Variants in NAGS observed in about 807,000 individuals in gnomAD.
NAGS encodes N-acetylglutamate synthase, mitochondrial.
In NAGS, 34 loss-of-function variants were observed where a neutral mutation model predicts 46.9. That is an observed-to-expected ratio of 0.72 (90% confidence interval 0.55 to 0.97). The LOEUF (loss-of-function observed/expected upper bound fraction) is 0.97. NAGS is among the 50% of genes least tolerant of loss of function. The pLI, the probability that NAGS is intolerant of heterozygous loss-of-function variation, is 0.00. For synonymous variants in NAGS, 334 were observed against 346.3 expected (o/e 0.96, Z 0.39); for missense variants, 665 against 747.0 (o/e 0.89, Z 1.28).
chr17:44,006,148 G>C lies in NAGS; in HGVS notation c.826G>C (p.Glu276Gln). 1 of 1,613,280 alleles carries C rather than the reference G, an allele frequency of 6.2e-7. No individual in the cohort carries two copies. The highest frequency in any genetic ancestry group is 1.1e-5 in the South Asian group (1 of 91,084). The change falls in exon 3 of 7, where the codon GAG becomes CAG. Residue 276 changes from glutamate to glutamine, a missense_variant. Physicochemically the swap from Glu to Gln is conservative, Grantham distance 29. Coordinates refer to ENST00000293404, the MANE Select transcript of NAGS (RefSeq NM_153006.3). This position sits in a 1 kb window ranked among gnomAD's most constrained non-coding sequence, Gnocchi z 4.8. ...ARRSVLLDSLEVTASLAKALR... is the reference protein window; with the variant it reads ...ARRSVLLDSLQVTASLAKALR... ...CCGCTCCGTGCTTCTCGACTCCCTG[G>C]AGGTGACCGCGTCGCTGGCCAAGGC...
Position 44,005,994 on chromosome 17 carries a change from G to C in NAGS, c.702-30G>C. 1 of 1,573,484 alleles carries C rather than the reference G, an allele frequency of 6.4e-7. No individual in the cohort carries two copies. The highest frequency in any genetic ancestry group is 1.4e-5 in the African/African-American group (1 of 73,990). On this transcript the variant is annotated intron_variant, in intron 2 of 6. Transcript: ENST00000293404. The surrounding 1 kb of genome is among the most constrained non-coding windows in gnomAD (Gnocchi z 7.2). ...GCCCCGTCCGGCAGGCCTGGAGGGG[G>C]CCCTCTCGAGCACCACGTCTGGCCC...
In NAGS at chr17:44,007,425, G is replaced by T; in HGVS notation, c.1199G>T (p.Gly400Val). The change falls in exon 5 of 7, where the codon GGC becomes GTC. Residue 400 changes from glycine (G) to valine (V), a missense_variant. Physicochemically the swap from Gly to Val is moderately radical, Grantham distance 109 (BLOSUM62 -3). Coordinates refer to ENST00000293404, the MANE Select transcript of NAGS (RefSeq NM_153006.3). This position sits in a 1 kb window ranked among gnomAD's most constrained non-coding sequence, Gnocchi z 5.1. Reference protein sequence around the residue: ...RLVDLVNASFGKKLRDDYLAS... With the variant: ...RLVDLVNASFVKKLRDDYLAS... ...GTGGACCTGGTCAACGCCAGCTTCG[G>T]CAAGAAGCTCAGGGACGACTACCTG... is the stretch of plus-strand genomic sequence containing the variant. The T allele has an allele frequency of 6.2e-7, 1 of 1,613,916 alleles. No individual in the cohort carries two copies. Among genetic ancestry groups the T allele is most frequent in the Non-Finnish European group, 8.5e-7 (1 of 1,180,002 alleles).
In NAGS at chr17:44,008,759, C is replaced by T. The variant is rs556309098; in HGVS notation, c.*158C>T. The T allele has an allele frequency of 9.7e-5, 93 of 960,714 alleles. 1 individual carries two copies. The African/African-American group carries it at 1.4e-3, about 14-fold the overall frequency. 59.5% of individuals were successfully genotyped at this position (960,714 alleles called of 1,614,324 possible). On this transcript the variant is annotated 3_prime_UTR_variant, in exon 7 of 7. Transcript: ENST00000293404. ...CAGCCCCAGCTCTGCCCAGAGGAGGCGCTGAAGTGGGACAAGCACAGGAAA... is the reference window on the plus strand; with the variant it reads ...CAGCCCCAGCTCTGCCCAGAGGAGGTGCTGAAGTGGGACAAGCACAGGAAA...
Position 44,005,147 on chromosome 17 carries a change from C to T in NAGS, c.426+58C>T. 2.0e-6 allele frequency: 3 copies of T among 1,522,238 alleles called. No homozygotes were observed. Among genetic ancestry groups the T allele is most frequent in the South Asian group, 2.4e-5 (2 of 82,886 alleles). The allele number at this position is 1,522,238 out of a possible 1,614,324, so 94.3% of individuals were successfully genotyped here. A position where few individuals can be genotyped will look rare whatever the true frequency, so the allele number is the denominator to read the frequency against. On this transcript the variant is annotated intron_variant, in intron 1 of 6. Coordinates refer to ENST00000293404, the MANE Select transcript of NAGS (RefSeq NM_153006.3). The surrounding 1 kb of genome is among the most constrained non-coding windows in gnomAD (Gnocchi z 7.2). ...CGAGGGGATGGGGTTGTGCGGCCAC[C>T]TGTCCTCAGGCATGGCAGGATACGC...
chr17:44,006,888 G>A lies in NAGS; in HGVS notation c.1096+179G>A, dbSNP rs1485911921. ...ACCCGGGGGAGGTGAGAGAGGAGGA[G>A]ACCCAGTGTACTGGAAGGGAACTCC... On this transcript the variant is annotated intron_variant, in intron 4 of 6. Transcript: ENST00000293404. This position sits in a 1 kb window ranked among gnomAD's most constrained non-coding sequence, Gnocchi z 4.8. 1.8e-6 allele frequency: 1 copy of A among 570,560 alleles called. No individual in the cohort carries two copies. Among genetic ancestry groups the A allele is most frequent in the Non-Finnish European group, 3.0e-6 (1 of 336,992 alleles). 35.3% of individuals were successfully genotyped at this position (570,560 alleles called of 1,614,324 possible). A position where few individuals can be genotyped will look rare whatever the true frequency, so the allele number is the denominator to read the frequency against.
In NAGS at chr17:44,007,921, T is replaced by C. The variant is rs2049117505; in HGVS notation, c.1451+148T>C. ...CCAGGGGCAGAACACACAGAAAGCC[T>C]GAGATTTCCCGAGTTAAAGCATGCT... On this transcript the variant is annotated intron_variant, in intron 6 of 6. Coordinates refer to ENST00000293404, the MANE Select transcript of NAGS (RefSeq NM_153006.3). This position sits in a 1 kb window ranked among gnomAD's most constrained non-coding sequence, Gnocchi z 5.1. 1 of 871,906 alleles carries C rather than the reference T, an allele frequency of 1.1e-6. No individual in the cohort carries two copies. Among genetic ancestry groups the C allele is most frequent in the Non-Finnish European group, 1.8e-6 (1 of 549,150 alleles). The allele number at this position is 871,906 out of a possible 1,614,324, so 54.0% of individuals were successfully genotyped here.
chr17:44,009,015 G>C lies in NAGS; in HGVS notation c.*414G>C, dbSNP rs2049128721. 2.3e-5 allele frequency: 5 copies of C among 219,720 alleles called. No homozygotes were observed. The highest frequency in any genetic ancestry group is 5.1e-5 in the Admixed American group (1 of 19,714). The allele number at this position is 219,720 out of a possible 1,614,324, so 13.6% of individuals were successfully genotyped here. The stretch of plus-strand genomic sequence containing the variant: ...TTCTACCATTCATTTTAATTCCTTT[G>C]GGTCTTGCAGTTTTTCAGGAGGCCT... On this transcript the variant is annotated 3_prime_UTR_variant, in exon 7 of 7. Coordinates refer to ENST00000293404, the MANE Select transcript of NAGS (RefSeq NM_153006.3). This position sits in a 1 kb window ranked among gnomAD's most constrained non-coding sequence, Gnocchi z 4.0.
In NAGS at chr17:44,006,428, GAAGT is replaced by G; in HGVS notation, c.916-97_916-94del. The G allele has an allele frequency of 6.6e-7, 1 of 1,512,844 alleles. No homozygotes were observed. Among genetic ancestry groups the G allele is most frequent in the Admixed American group, 2.0e-5 (1 of 50,636 alleles). 93.7% of individuals were successfully genotyped at this position (1,512,844 alleles called of 1,614,324 possible). On this transcript the variant is annotated intron_variant, in intron 3 of 6. Coordinates refer to ENST00000293404, the MANE Select transcript of NAGS (RefSeq NM_153006.3). This position sits in a 1 kb window ranked among gnomAD's most constrained non-coding sequence, Gnocchi z 4.8. The stretch of plus-strand genomic sequence containing the variant: ...CCTCCCTGGCTAAGGACTCCGGGCG[GAAGT>G]AAGGATAAAGGGGTCAGAGAAAAGA...
intron 6 of NAGS, 130 bp from the exon 7 acceptor site, chr17:44,008,318 C>G: frequency 9.3e-7 from 1 of 1,076,096 alleles, no homozygotes; most frequent in South Asian, 1.3e-5. Flanking sequence ...AGATAACACA[C>G]AGCAGGACCA....
In NAGS at chr17:44,007,143, G is replaced by C. The variant is rs1428754209; in HGVS notation, c.1097-180G>C. ...GAACTTGGGGCACAATCTCTGCCTGGGGAAAGCATCTCCTTGAATGAAAAT... is the reference window on the plus strand; with the variant it reads ...GAACTTGGGGCACAATCTCTGCCTGCGGAAAGCATCTCCTTGAATGAAAAT... On this transcript the variant is annotated intron_variant, in intron 4 of 6. Coordinates refer to ENST00000293404, the MANE Select transcript of NAGS (RefSeq NM_153006.3). This position sits in a 1 kb window ranked among gnomAD's most constrained non-coding sequence, Gnocchi z 5.1. The C allele has an allele frequency of 1.5e-6, 1 of 648,992 alleles. No homozygotes were observed. The highest frequency in any genetic ancestry group is 2.6e-6 in the Non-Finnish European group (1 of 381,782). 40.2% of individuals were successfully genotyped at this position (648,992 alleles called of 1,614,324 possible).
Position 44,004,819 on chromosome 17 carries a change from C to T in NAGS, c.156C>T (p.Ala52=), listed in dbSNP as rs2143978978. The change falls in exon 1 of 7, where the codon GCC becomes GCT. Residue 52 remains alanine (A), a synonymous_variant. Coordinates refer to ENST00000293404, the MANE Select transcript of NAGS (RefSeq NM_153006.3). The part of the protein sequence containing the change: ...GTSPGRRLST[A]WSQPQPPPEE... Reference sequence around the variant, plus strand: ...GCCCGGGGCGCCGGCTCAGCACCGCCTGGTCGCAGCCCCAGCCCCCGCCCG... The same window carrying T: ...GCCCGGGGCGCCGGCTCAGCACCGCTTGGTCGCAGCCCCAGCCCCCGCCCG... The T allele has an allele frequency of 6.8e-7, 1 of 1,479,882 alleles. No individual in the cohort carries two copies. 91.7% of individuals were successfully genotyped at this position (1,479,882 alleles called of 1,614,324 possible). A position where few individuals can be genotyped will look rare whatever the true frequency, so the allele number is the denominator to read the frequency against.
In NAGS at chr17:44,004,900, G is replaced by A; in HGVS notation, c.237G>A (p.Ser79=). The A allele has an allele frequency of 6.5e-7, 1 of 1,533,934 alleles. No homozygotes were observed. Among genetic ancestry groups the A allele is most frequent in the Non-Finnish European group, 8.7e-7 (1 of 1,146,096 alleles). ...VSQSPVAEEP[S]WVPSPRPPVP... ...AGTCGCCCGTCGCCGAGGAGCCGTC[G>A]TGGGTGCCGAGTCCCAGGCCCCCGG... The change falls in exon 1 of 7, where the codon TCG becomes TCA. Residue 79 remains serine (S), a synonymous_variant. Coordinates refer to ENST00000293404, the MANE Select transcript of NAGS (RefSeq NM_153006.3).
rs1300183288 is a variant in NAGS at position 44,006,990 on chromosome 17, A to G, written c.1096+281A>G. The G allele has an allele frequency of 1.5e-5, 7 of 478,336 alleles. No homozygotes were observed. Among genetic ancestry groups the G allele is most frequent in the East Asian group, 1.0e-4 (2 of 19,160 alleles). 29.6% of individuals were successfully genotyped at this position (478,336 alleles called of 1,614,324 possible). ...GGTGGGCGGGGCCAGGGGCGGGACCATAAGGGAGGTGTTCGACCGGGAGAG... is the reference window on the plus strand; with the variant it reads ...GGTGGGCGGGGCCAGGGGCGGGACCGTAAGGGAGGTGTTCGACCGGGAGAG... On this transcript the variant is annotated intron_variant, in intron 4 of 6. Transcript: ENST00000293404. The surrounding 1 kb of genome is among the most constrained non-coding windows in gnomAD (Gnocchi z 4.8).
rs1234342579 is a variant in NAGS, at chr17:44,005,910, A to C, written c.700A>C (p.Ser234Arg). The change falls in exon 2 of 7, where the codon AGC becomes CGC. Residue 234 changes from serine to arginine, a missense_variant and splice_region_variant. Ser to Arg is a moderately radical substitution (Grantham distance 110, BLOSUM62 -1). Coordinates refer to ENST00000293404, the MANE Select transcript of NAGS (RefSeq NM_153006.3). The surrounding 1 kb of genome is among the most constrained non-coding windows in gnomAD (Gnocchi z 7.2). Reference sequence around the variant, plus strand: ...CGCTGCCGAGCCGGCTCCCCATGCCAGGTGAGTGCCCGCCCTGCCCGCCCA... The same window carrying C: ...CGCTGCCGAGCCGGCTCCCCATGCCCGGTGAGTGCCCGCCCTGCCCGCCCA... ...LRAAEPAPHA[S>R]YGGIVSVETD... The C allele has an allele frequency of 7.1e-6, 11 of 1,548,568 alleles. No individual in the cohort carries two copies. Among genetic ancestry groups the C allele is most frequent in the Non-Finnish European group, 9.6e-6 (11 of 1,151,020 alleles).
In NAGS at chr17:44,008,466, T is replaced by A; in HGVS notation, c.1470T>A (p.Asp490Glu). The change falls in exon 7 of 7, where the codon GAT (aspartate) becomes GAA (glutamate). Residue 490 changes from aspartate (D) to glutamate (E), a missense_variant. Transcript: ENST00000293404. ...CACCCAGGTACTTCAAACACAGTGATGGCAGCTTCTCCAACAAGCAGTGGA... is the reference window on the plus strand; with the variant it reads ...CACCCAGGTACTTCAAACACAGTGAAGGCAGCTTCTCCAACAAGCAGTGGA... ...PINPWYFKHS[D>E]GSFSNKQWIF... 1 of 1,614,288 alleles carries A rather than the reference T, an allele frequency of 6.2e-7. No homozygotes were observed. Among genetic ancestry groups the A allele is most frequent in the Non-Finnish European group, 8.5e-7 (1 of 1,180,050 alleles).
Position 44,004,710 on chromosome 17 carries a change from C to T in NAGS, c.47C>T (p.Ala16Val). The T allele has an allele frequency of 2.0e-6, 3 of 1,512,184 alleles. No homozygotes were observed. Among genetic ancestry groups the T allele is most frequent in the South Asian group, 1.3e-5 (1 of 76,704 alleles). The allele number at this position is 1,512,184 out of a possible 1,614,324, so 93.7% of individuals were successfully genotyped here. A position where few individuals can be genotyped will look rare whatever the true frequency, so the allele number is the denominator to read the frequency against. The change falls in exon 1 of 7, where the codon GCC becomes GTC. Residue 16 changes from alanine to valine, a missense_variant. Ala to Val is a moderately conservative substitution (Grantham distance 64). Transcript: ENST00000293404. The stretch of plus-strand genomic sequence containing the variant: ...GTGGTTCTGCGGGCAGCTGCTGTAG[C>T]CCCGAGGCTGAGAGGCCGGGGAGGC... ...MAVVLRAAAV[A>V]PRLRGRGGTG...
chr17:44,008,736 GC>G lies in NAGS; in HGVS notation c.*139del. Reference sequence around the variant, plus strand: ...TGAGTGATCTGCAGAGGAGAAAGCAGCCCCAGCTCTGCCCAGAGGAGGCGCT... The same window carrying G: ...TGAGTGATCTGCAGAGGAGAAAGCAGCCCAGCTCTGCCCAGAGGAGGCGCT... On this transcript the variant is annotated 3_prime_UTR_variant, in exon 7 of 7. Coordinates refer to ENST00000293404, the MANE Select transcript of NAGS (RefSeq NM_153006.3). 8.2e-7 allele frequency: 1 copy of G among 1,218,316 alleles called. No homozygotes were observed. The highest frequency in any genetic ancestry group is 1.2e-6 in the Non-Finnish European group (1 of 838,226). The allele number at this position is 1,218,316 out of a possible 1,614,324, so 75.5% of individuals were successfully genotyped here. A position where few individuals can be genotyped will look rare whatever the true frequency, so the allele number is the denominator to read the frequency against.
Position 44,008,457 on chromosome 17 carries a change from A to G in NAGS, c.1461A>G (p.Lys487=), listed in dbSNP as rs768963708. The G allele has an allele frequency of 6.2e-7, 1 of 1,614,214 alleles. No individual in the cohort carries two copies. The highest frequency in any genetic ancestry group is 8.5e-7 in the Non-Finnish European group (1 of 1,180,036). The part of the protein sequence containing the change: ...VTNPINPWYF[K]HSDGSFSNKQ... ...ACCTCCCCACACCCAGGTACTTCAAACACAGTGATGGCAGCTTCTCCAACA... is the reference window on the plus strand; with the variant it reads ...ACCTCCCCACACCCAGGTACTTCAAGCACAGTGATGGCAGCTTCTCCAACA... The change falls in exon 7 of 7, where the codon AAA becomes AAG. Residue 487 remains lysine (K), a synonymous_variant. Coordinates refer to ENST00000293404, the MANE Select transcript of NAGS (RefSeq NM_153006.3).
In NAGS at chr17:44,006,874, G is replaced by A. The variant is rs1301506164; in HGVS notation, c.1096+165G>A. ...CTGCTGCTGCCGAAACCCGGGGGAG[G>A]TGAGAGAGGAGGAGACCCAGTGTAC... On this transcript the variant is annotated intron_variant, in intron 4 of 6. Transcript: ENST00000293404. This position sits in a 1 kb window ranked among gnomAD's most constrained non-coding sequence, Gnocchi z 4.8. 1.4e-6 allele frequency: 1 copy of A among 705,426 alleles called. No homozygotes were observed. Among genetic ancestry groups the A allele is most frequent in the Non-Finnish European group, 2.3e-6 (1 of 434,044 alleles). The allele number at this position is 705,426 out of a possible 1,614,324, so 43.7% of individuals were successfully genotyped here.
Sources: gnomAD v4.1 joint callset for allele counts on GRCh38, gnomAD v4.1.1 for gene constraint, Gnocchi (gnomAD v3.1) non-coding constraint, MANE v1.5 for transcripts, NCBI Gene and HGNC (gene_info 2026-07-23, HGNC 2026-07-21) for gene names.